Variants in TJP1 observed in about 807,000 individuals in gnomAD.
TJP1 encodes tight junction protein 1.
A neutral mutation model predicts 194.2 loss-of-function variants in TJP1; 43 were observed. The ratio of observed to expected loss-of-function variants is 0.22; its 90% CI spans 0.17 to 0.29. The LOEUF (loss-of-function observed/expected upper bound fraction) is 0.29, where lower values mean the gene tolerates loss of function less well. TJP1 is among the 10% of genes least tolerant of loss of function. The probability of loss-of-function intolerance (pLI) is 1.00; values close to 1 mark genes in which losing one functional copy is unlikely to be tolerated. For missense variants in TJP1, 1,971 were observed against 2,185.7 expected (o/e 0.90, Z 1.96); for synonymous variants, 801 against 779.0 (o/e 1.03, Z -0.47).
At chr15:29,811,076 A>G (rs1297607390) in intron 1 of TJP1, among the ~76,000 whole-genome samples, 1 of 152,178 alleles carries the variant, frequency 6.6e-6, no homozygotes, top group Non-Finnish European at 1.5e-5. Context: ...GAGAAAGTTG[A>G]CAGGAAGTAC....
At chr15:29,753,822 G>GAAAAAAAAAAAAAAA (rs59926060) in intron 8 of TJP1, among the ~76,000 whole-genome samples, 1 of 68,346 alleles carries the variant, frequency 1.5e-5, no homozygotes. Flanking sequence ...AAGGGAAACA[G>GAAAAAAAAAAAAAAA]AAAAAAAAAA....
At chr15:29,914,832 C>T (rs2054132140) in intron 2 of TJP1, among the ~76,000 whole-genome samples, 1 of 151,400 alleles carries the variant, frequency 6.6e-6, no homozygotes, top group Admixed American at 6.6e-5. Flanking sequence ...GGCCATCTGG[C>T]CCCTCTCCCA....
At chr15:29,811,370 G>A (rs1344572457) in intron 1 of TJP1, among the ~76,000 whole-genome samples, 1 of 150,122 alleles carries the variant, frequency 6.7e-6, no homozygotes, top group Non-Finnish European at 1.5e-5. Flanking sequence ...GTAAGGGGAA[G>A]AGGGGGGTAT....
At chr15:29,848,810 G>C (rs991228873) in intron 2 of TJP1, among the ~76,000 whole-genome samples, 2 of 150,822 alleles carry the variant, frequency 1.3e-5, no homozygotes, top group Admixed American at 6.6e-5. Context: ...AGTGAGCCGA[G>C]ATCACACCAC....
Position 29,718,033 on chromosome 15 carries a change from T to G in TJP1, c.3962A>C (p.Lys1321Thr). The G allele has an allele frequency of 2.5e-6, 4 of 1,612,786 alleles. No individual in the cohort carries two copies. The highest frequency in any genetic ancestry group is 3.4e-6 in the Non-Finnish European group (4 of 1,179,632). ...AAAGTGTACTCACCTGTACAGAGTT[T>G]TGTCATGTTCACTGAATTGATTCTG... The part of the protein sequence containing the change: ...TSQNQFSEHD[K>T]TLYRIPEPQK... The change falls in exon 22 of 28, where the codon AAA becomes ACA. Residue 1321 changes from lysine (K) to threonine (T), a missense_variant. Physicochemically the swap from Lys to Thr is moderately conservative, Grantham distance 78. Transcript: ENST00000614355.
Position 29,718,623 on chromosome 15 carries a change from C to T in TJP1, c.3519G>A (p.Pro1173=), listed in dbSNP as rs373286989. 3.5e-5 allele frequency: 57 copies of T among 1,614,138 alleles called. No homozygotes were observed. In the African/African-American group the frequency reaches 6.5e-4, roughly 18 times the overall value. ...CTGCTGAAGGGTGGGGCTGGGCTTC[C>T]GGTCTGAGTCTACCATGTGTGTCAT... ...PGYDTHGRLR[P]EAQPHPSAGP... is the part of the protein sequence containing the mutation. The change falls in exon 21 of 28, where the codon CCG becomes CCA. Residue 1173 remains proline (P), a synonymous_variant. Transcript: ENST00000614355.
chr15:29,724,031 G>A (rs1009765753), intron 18 of TJP1, among the ~76,000 whole-genome samples: 6 of 152,202 alleles, frequency 3.9e-5, no homozygotes, highest in African/African-American at 1.4e-4. Context: ...TGAAACTCTT[G>A]TCCTCCAGAA....
chr15:29,917,525 T>A (rs542972857), intron 2 of TJP1, among the ~76,000 whole-genome samples: 1 of 151,998 alleles, frequency 6.6e-6, no homozygotes, highest in African/African-American at 2.4e-5. Flanking sequence ...ACAGAAGTAG[T>A]TATAGGATGA....
chr15:29,913,135 G>C (rs1215629957), intron 2 of TJP1, among the ~76,000 whole-genome samples: 2 of 152,082 alleles, frequency 1.3e-5, no homozygotes, highest in Non-Finnish European at 2.9e-5. Context: ...ACTCACAGCA[G>C]GTGTGGAGAA....
intron 11 of TJP1, among the ~76,000 whole-genome samples, chr15:29,735,384 T>C (rs1484087590): frequency 6.6e-6 from 1 of 151,312 alleles, no homozygotes; most frequent in Non-Finnish European, 1.5e-5. Flanking sequence ...AACCCAGGAA[T>C]TTGAGACCAG....
rs947358325 is a variant in TJP1 at position 29,822,238 on chromosome 15, G to C, written c.-210C>G. 9 of 1,174,988 alleles carry C rather than the reference G, an allele frequency of 7.7e-6. No individual in the cohort carries two copies. In the African/African-American group the frequency reaches 9.6e-5, roughly 13 times the overall value. 72.8% of individuals were successfully genotyped at this position (1,174,988 alleles called of 1,614,324 possible). A position where few individuals can be genotyped will look rare whatever the true frequency, so the allele number is the denominator to read the frequency against. ...CCCGCCCCGCCCGGGTCTTCTCCAC[G>C]GGGCGCGCCCGACCGGCACCTCCCT... On this transcript the variant is annotated 5_prime_UTR_variant, in exon 1 of 28. Coordinates refer to ENST00000614355, the MANE Select transcript of TJP1 (RefSeq NM_001330239.4).
chr15:29,722,298 C>T lies in TJP1; in HGVS notation c.2413-1590G>A, dbSNP rs1047596234. Among the ~76,000 whole-genome samples, 10 of 152,338 alleles carry T rather than the reference C, an allele frequency of 6.6e-5. No homozygotes were observed. In the South Asian group the frequency reaches 2.1e-3, roughly 32 times the overall value. On this transcript the variant is annotated intron_variant, in intron 18 of 27. Coordinates refer to ENST00000614355, the MANE Select transcript of TJP1 (RefSeq NM_001330239.4). ...AAAATGGTTTTGTGGGTGATCCAGGCCCGGCCCTGCTGCTCTGTGCAGCCT... is the reference window on the plus strand; with the variant it reads ...AAAATGGTTTTGTGGGTGATCCAGGTCCGGCCCTGCTGCTCTGTGCAGCCT...
At chr15:29,835,008 G>A (rs916575856) in intron 2 of TJP1, among the ~76,000 whole-genome samples, 6 of 152,198 alleles carry the variant, frequency 3.9e-5, no homozygotes, top group Non-Finnish European at 7.3e-5. Context: ...AAGGTCTTTT[G>A]GGAATGAAGT....
intron 2 of TJP1, among the ~76,000 whole-genome samples, chr15:29,953,139 G>GT (rs1406936700): frequency 1.5e-5 from 1 of 64,734 alleles, no homozygotes; most frequent in African/African-American, 5.0e-5. Context: ...AAAGAAGACA[G>GT]ATTTTTTTTT....
intron 1 of TJP1, among the ~76,000 whole-genome samples, chr15:29,959,244 C>T (rs965240031): frequency 2.1e-4 from 32 of 151,648 alleles, no homozygotes; most frequent in African/African-American, 7.5e-4. Context: ...CCACCATCAG[C>T]CTTCCAAAGT....
At chr15:29,751,381 T>C (rs928306396) in intron 8 of TJP1, among the ~76,000 whole-genome samples, 2 of 152,370 alleles carry the variant, frequency 1.3e-5, no homozygotes, top group African/African-American at 4.8e-5. Flanking sequence ...TCTATTTCAC[T>C]GTGATATTGT....
intron 3 of TJP1, among the ~76,000 whole-genome samples, chr15:29,772,875 C>T (rs991142627): frequency 6.6e-6 from 1 of 152,150 alleles, no homozygotes; most frequent in Non-Finnish European, 1.5e-5. Context: ...AGGGATTCTC[C>T]TGCCTCAGCC....
At position 29,843,128 on chromosome 15, in the gene TJP1, C is replaced by T. The variant is rs1035986112; in HGVS notation, c.307-42426G>A. Among the ~76,000 whole-genome samples the T allele has an allele frequency of 2.6e-5, 4 of 152,044 alleles. 1 individual carries two copies. The highest frequency in any genetic ancestry group is 9.6e-5 in the African/African-American group (4 of 41,472). On this transcript the variant is annotated intron_variant, in intron 2 of 28. Coordinates refer to the TJP1 transcript ENST00000356107. ...CCCTTTTATTTTGTCCTGCTATTTG[C>T]TATTGATTGCTGTTCCTATCTTTGA...
rs571881116 is a variant in TJP1 at position 29,754,551 on chromosome 15, C to G, written c.1010+6588G>C. On this transcript the variant is annotated intron_variant, in intron 8 of 27. Transcript: ENST00000614355. ...AAAAGAAATTCACTAGTCAGAAGAT[C>G]GTTACCTCTCCACATTTGAAATAGA... 7.2e-5 allele frequency among the ~76,000 whole-genome samples: 11 copies of G among 152,178 alleles called. No individual in the cohort carries two copies. The South Asian group carries it at 2.3e-3, about 32-fold the overall frequency.
Sources: gnomAD v4.1 joint callset for allele counts (sites outside exome capture counted in the v4.1 genomes callset) on GRCh38, gnomAD v4.1.1 for gene constraint, MANE v1.5 for transcripts, NCBI Gene and HGNC (gene_info 2026-07-23, HGNC 2026-07-21) for gene names.